PDS5A: variants seen among roughly 807,000 people sequenced by gnomAD.
The protein encoded by PDS5A is sister chromatid cohesion protein PDS5 homolog A.
PDS5A carries 42 observed loss-of-function variants against 167.1 expected under a neutral mutation model. The observed-to-expected ratio is 0.25, with a 90% CI of 0.20 to 0.33. The LOEUF is 0.33. Among genes scored for constraint, PDS5A ranks in the 10% least tolerant of loss-of-function variants. The pLI, the probability that PDS5A is intolerant of heterozygous loss-of-function variation, is 1.00. For synonymous variants in PDS5A, 553 were observed against 554.6 expected, an observed-to-expected ratio of 1.00 and a Z score of 0.04; for missense variants, 1,033 against 1,605.9, an observed-to-expected ratio of 0.64 and a Z score of 6.10.
chr4:39,930,087 C>T (rs1212305364), intron 2 of PDS5A, among the ~76,000 whole-genome samples: 2 of 151,072 alleles, frequency 1.3e-5, no homozygotes, highest in Non-Finnish European at 3.0e-5. Flanking sequence ...CAGTAGCACA[C>T]AACTGTAATC....
chr4:39,942,471 G>A (rs1234167577), intron 2 of PDS5A, among the ~76,000 whole-genome samples: 1 of 151,938 alleles, frequency 6.6e-6, no homozygotes, highest in Admixed American at 6.6e-5. Context: ...TTTTTCTTGA[G>A]ACAGGGTCTC....
At chr4:39,933,690 T>C (rs1405827073) in intron 2 of PDS5A, 1 of 152,192 alleles carries the variant, frequency 6.6e-6, no homozygotes, top group African/African-American at 2.4e-5. Context: ...TTATTCATTT[T>C]AAGCCACTAG....
At chr4:39,901,091 T>C (rs1578701367) in intron 13 of PDS5A, among the ~76,000 whole-genome samples, 1 of 152,170 alleles carries the variant, frequency 6.6e-6, no homozygotes, top group Admixed American at 6.6e-5. Context: ...CCCATCCATA[T>C]TTCCAGGTGC....
chr4:39,945,122 C>G (rs1727625222), intron 2 of PDS5A, among the ~76,000 whole-genome samples: 1 of 152,032 alleles, frequency 6.6e-6, no homozygotes, highest in Admixed American at 6.6e-5. Context: ...CCCCGTTTAA[C>G]AGATGAGGAA....
chr4:39,862,182 A>G (rs1487287404), intron 26 of PDS5A, 37 bp downstream of exon 26: 5 of 813,920 alleles, frequency 6.1e-6, no homozygotes, highest in Non-Finnish European at 9.3e-6. Context: ...AAAACTAAAC[A>G]TAATTTTTAG....
intron 32 of PDS5A, among the ~76,000 whole-genome samples, chr4:39,831,245 C>T (rs1221860362): frequency 2.6e-5 from 4 of 152,288 alleles, no homozygotes; most frequent in Admixed American, 6.5e-5. Flanking sequence ...ACTAGAGGCG[C>T]GTGCGCCACC....
At chr4:39,915,610 T>C (rs1420889499) in intron 8 of PDS5A, among the ~76,000 whole-genome samples, 1 of 152,072 alleles carries the variant, frequency 6.6e-6, no homozygotes, top group African/African-American at 2.4e-5. Flanking sequence ...TCTGCCTGCC[T>C]CCACCTCCCA....
At chr4:39,914,925 T>C (rs891722464) in intron 8 of PDS5A, among the ~76,000 whole-genome samples, 3 of 152,238 alleles carry the variant, frequency 2.0e-5, no homozygotes, top group African/African-American at 4.8e-5. Flanking sequence ...CCTTTCCTTA[T>C]GAATGTTTTA....
rs962805252 is a variant in PDS5A, at chr4:39,921,087, C to A, written c.655-688G>T. On this transcript the variant is annotated intron_variant, in intron 6 of 32. Transcript: ENST00000303538. ...CATTCACCATCATCTAACACCTCTT[C>A]CAAAACAAGGCTAGGAAACCCTACA... Among the ~76,000 whole-genome samples, 9 of 152,242 alleles carry A rather than the reference C, an allele frequency of 5.9e-5. No individual in the cohort carries two copies. In the East Asian group the frequency reaches 1.5e-3, roughly 26 times the overall value.
chr4:39,836,840 C>T (rs1716460348), intron 32 of PDS5A, among the ~76,000 whole-genome samples: 2 of 140,046 alleles, frequency 1.4e-5, no homozygotes, highest in South Asian at 4.8e-4. Flanking sequence ...ACACAGTCTC[C>T]TTCTGTCACC....
chr4:39,896,895 G>A (rs1415370156), intron 16 of PDS5A, among the ~76,000 whole-genome samples: 1 of 149,928 alleles, frequency 6.7e-6, no homozygotes, highest in Non-Finnish European at 1.5e-5. Flanking sequence ...CTTCAGTTCC[G>A]TTATAATCTT....
intron 2 of PDS5A, among the ~76,000 whole-genome samples, chr4:39,963,120 A>C (rs1403268902): frequency 1.3e-5 from 2 of 151,856 alleles, no homozygotes; most frequent in Non-Finnish European, 1.5e-5. Context: ...GGAGTTCAAA[A>C]CCAGCCTGGA....
chr4:39,951,897 T>TAAAAAAAAAAAAA (rs1728433494), intron 2 of PDS5A, among the ~76,000 whole-genome samples: 1 of 36,074 alleles, frequency 2.8e-5, no homozygotes, highest in African/African-American at 1.0e-4. Flanking sequence ...AGAGTCTGTC[T>TAAAAAAAAAAAAA]CAAAAAAAAA....
At chr4:39,974,057 C>T (rs1325101610) in intron 2 of PDS5A, 2 of 490,580 alleles carry the variant, frequency 4.1e-6, no homozygotes, top group Admixed American at 2.5e-5. Flanking sequence ...ACCCGGGAGG[C>T]GGAGCTTACA....
At chr4:39,940,457 T>G (rs927284529) in intron 2 of PDS5A, among the ~76,000 whole-genome samples, 16 of 152,142 alleles carry the variant, frequency 1.1e-4, no homozygotes, top group Non-Finnish European at 1.2e-4. Context: ...TTATGCACCT[T>G]TTATGTTACA....
intron 2 of PDS5A, among the ~76,000 whole-genome samples, chr4:39,961,127 T>C (rs948529337): frequency 2.0e-5 from 3 of 152,194 alleles, no homozygotes; most frequent in African/African-American, 4.8e-5. Flanking sequence ...CTTGATCTGT[T>C]GTCTTCAGCA....
chr4:39,954,671 A>T (rs78256206), intron 2 of PDS5A, among the ~76,000 whole-genome samples: 10 of 58,420 alleles, frequency 1.7e-4, no homozygotes, highest in Admixed American at 5.2e-4. Context: ...AGAGATAAGT[A>T]AAAAAAAAAA....
At chr4:39,954,326 C>A (rs1272795195) in intron 2 of PDS5A, among the ~76,000 whole-genome samples, 1 of 152,054 alleles carries the variant, frequency 6.6e-6, no homozygotes. Context: ...TGCCACTGCA[C>A]CTCAGCCTTG....
intron 10 of PDS5A, among the ~76,000 whole-genome samples, chr4:39,909,040 A>AAAAATAAAATAAAAT (rs59403675): frequency 0.058 from 7,313 of 125,958 alleles, 357 homozygotes; most frequent in Middle Eastern, 0.14. Context: ...CCCTGTATCA[A>AAAAATAAAATAAAAT]AAAATAAAAT....
Sources: allele counts gnomAD v4.1 joint callset (sites outside exome capture counted in the v4.1 genomes callset), GRCh38; gene constraint gnomAD v4.1.1; transcripts MANE v1.5; gene names NCBI Gene and HGNC (gene_info 2026-07-23, HGNC 2026-07-21).